The following GNL3L variants were observed in gnomAD, a reference collection of about 807,000 sequenced individuals.
The protein encoded by GNL3L is guanine nucleotide-binding protein-like 3-like protein.
In GNL3L, 4 loss-of-function variants were observed where a neutral mutation model predicts 42.9. The ratio of observed to expected loss-of-function variants is 0.09; its 90% CI spans 0.05 to 0.21. The LOEUF (loss-of-function observed/expected upper bound fraction) is 0.21, where lower values mean the gene tolerates loss of function less well. Among genes scored for constraint, GNL3L ranks in the 10% least tolerant of loss-of-function variants. The pLI is 1.00. For missense variants in GNL3L, 412 were observed against 481.7 expected (o/e 0.86, Z 1.36); for synonymous variants, 159 against 176.3 (o/e 0.90, Z 0.78).
At chrX:54,613,578 A>G (rs1926188311) in intron 16 of GNL3L, among the ~76,000 whole-genome samples, 1 of 110,761 alleles carries the variant, frequency 9.0e-6, no homozygotes, top group African/African-American at 3.3e-5. Context: ...GTTAGAGGGA[A>G]GGTCTAAGGC....
downstream of GNL3L, among the ~76,000 whole-genome samples, chrX:54,622,273 ATTTTTTTTTTT>A (rs773487259): frequency 5.1e-5 from 3 of 59,016 alleles, no homozygotes; most frequent in Non-Finnish European, 8.4e-5. Flanking sequence ...AGTTGCAGGA[ATTTTTTTTTTT>A]TTTTTTTTTT....
intron 16 of GNL3L, among the ~76,000 whole-genome samples, chrX:54,590,711 T>A (rs1242753693): frequency 8.9e-6 from 1 of 112,106 alleles, no homozygotes; most frequent in Non-Finnish European, 1.9e-5. Flanking sequence ...TGCTTGAGAT[T>A]TTCCCCAGTG....
chrX:54,594,794 GT>G (rs1341016932), intron 16 of GNL3L, among the ~76,000 whole-genome samples: 1 of 109,865 alleles, frequency 9.1e-6, no homozygotes, highest in Non-Finnish European at 1.9e-5. Flanking sequence ...TTGATTTGAG[GT>G]TACCACAAGG....
intron 16 of GNL3L, among the ~76,000 whole-genome samples, chrX:54,591,242 A>G (rs1426877031): frequency 9.0e-6 from 1 of 110,852 alleles, no homozygotes; most frequent in African/African-American, 3.3e-5. Flanking sequence ...TCCCAGCACC[A>G]TTTATTGAAG....
chrX:54,572,583 T>C lies in GNL3L; in HGVS notation c.*45+11936T>C, dbSNP rs1468395412. ...CTCCTCACTTCCCAGTAGGGGCGGC[T>C]GGGCAGAGGCGCCCCTCACCTCCCG... is the stretch of plus-strand genomic sequence containing the variant. On this transcript the variant is annotated intron_variant, in intron 16 of 16. Coordinates refer to the GNL3L transcript ENST00000674498. 1.3e-4 allele frequency among the ~76,000 whole-genome samples: 14 copies of C among 104,494 alleles called. No homozygotes were observed. In the South Asian group the frequency reaches 2.5e-3, roughly 19 times the overall value. 90.7% of individuals were successfully genotyped at this position (104,494 alleles called of 115,157 possible).
chrX:54,626,439 A>G (rs1202075124), downstream of GNL3L, among the ~76,000 whole-genome samples: 1 of 112,104 alleles, frequency 8.9e-6, no homozygotes, highest in Non-Finnish European at 1.9e-5. Flanking sequence ...ACTGATGGAA[A>G]CTTAAGTTGA....
At chrX:54,594,554 T>A (rs5914144) in intron 16 of GNL3L, among the ~76,000 whole-genome samples, 35,837 of 104,682 alleles carry the variant, frequency 0.34, 7,121 homozygotes, top group African/African-American at 0.72. Flanking sequence ...TTTTTTTTTT[T>A]AAAAAAAAAT....
intron 16 of GNL3L, among the ~76,000 whole-genome samples, chrX:54,585,232 G>A (rs1925768300): frequency 8.9e-6 from 1 of 111,867 alleles, no homozygotes; most frequent in African/African-American, 3.2e-5. Context: ...TTCTTCTCTT[G>A]TAGTGTCCTT....
chrX:54,614,399 A>G (rs1263966463), intron 16 of GNL3L, among the ~76,000 whole-genome samples: 1 of 111,000 alleles, frequency 9.0e-6, no homozygotes, highest in African/African-American at 3.3e-5. Context: ...TGGAGTCTGC[A>G]CACCGGATTT....
chrX:54,608,003 TAAAAG>T (rs1926118307), intron 16 of GNL3L, among the ~76,000 whole-genome samples: 1 of 111,991 alleles, frequency 8.9e-6, no homozygotes, highest in African/African-American at 3.2e-5. Flanking sequence ...AAGCAAGTCA[TAAAAG>T]AAAACACAAA....
At chrX:54,588,115 T>C (rs1355309276) in intron 16 of GNL3L, among the ~76,000 whole-genome samples, 1 of 112,377 alleles carries the variant, frequency 8.9e-6, no homozygotes, top group Non-Finnish European at 1.9e-5. Context: ...TTTTGGTAGC[T>C]ATTTTGGGAT....
chrX:54,633,900 T>G, the GNL3L span, among the ~76,000 whole-genome samples: 1 of 113,064 alleles, frequency 8.8e-6, no homozygotes, highest in Non-Finnish European at 1.9e-5. Context: ...TGCAGCTGGA[T>G]AGATAATTCT....
chrX:54,605,188 G>A (rs1926045388), intron 16 of GNL3L, among the ~76,000 whole-genome samples: 1 of 111,705 alleles, frequency 9.0e-6, no homozygotes, highest in Non-Finnish European at 1.9e-5. Context: ...AGGAAACCAT[G>A]AATTTCCATT....
In GNL3L at chrX:54,579,476, A is replaced by G. The variant is rs769337610; in HGVS notation, c.*45+18829A>G. Among the ~76,000 whole-genome samples, 4 of 112,237 alleles carry G rather than the reference A, an allele frequency of 3.6e-5. No individual in the cohort carries two copies. In the South Asian group the frequency reaches 1.5e-3, roughly 41 times the overall value. On this transcript the variant is annotated intron_variant, in intron 16 of 16. Transcript: ENST00000674498. ...GAGTACAGTGGCACAATTGGCCTCCAGGGCTCAAGCCATCCTCCTCCCTCA... is the reference window on the plus strand; with the variant it reads ...GAGTACAGTGGCACAATTGGCCTCCGGGGCTCAAGCCATCCTCCTCCCTCA...
chrX:54,624,790 G>A (rs989116568), downstream of GNL3L, among the ~76,000 whole-genome samples: 2 of 107,458 alleles, frequency 1.9e-5, no homozygotes, highest in Admixed American at 1.9e-4. Context: ...ATGTGTCTCC[G>A]TGTGTCTTTA....
At position 54,607,064 on chromosome X, in the gene GNL3L, CTTTCTTTCTCTTTCTTTCTTCTT is replaced by C. The variant is rs1569542611; in HGVS notation, c.*46-13779_*46-13757del. ...TCTTTCTTTCTTTCTTTCTTTCTTT[CTTTCTTTCTCTTTCTTTCTTCTT>C]TCTTTCTTTCTTTCTTTCTTTCTTT... On this transcript the variant is annotated intron_variant, in intron 16 of 16. Transcript: ENST00000674498. Among the ~76,000 whole-genome samples, 84 of 42,108 alleles carry C rather than the reference CTTTCTTTCTCTTTCTTTCTTCTT, an allele frequency of 2.0e-3. 3 individuals are homozygous for C. The highest frequency in any genetic ancestry group is 1.0e-2 in the African/African-American group (79 of 7,905). 36.6% of individuals were successfully genotyped at this position (42,108 alleles called of 115,157 possible). A position where few individuals can be genotyped will look rare whatever the true frequency, so the allele number is the denominator to read the frequency against.
At chrX:54,614,201 G>A (rs1201297821) in intron 16 of GNL3L, among the ~76,000 whole-genome samples, 1 of 110,757 alleles carries the variant, frequency 9.0e-6, no homozygotes, top group Non-Finnish European at 1.9e-5. Flanking sequence ...TCAGGGAAGT[G>A]AGGGAAGGCC....
chrX:54,632,754 A>G, the GNL3L span, among the ~76,000 whole-genome samples: 2 of 111,158 alleles, frequency 1.8e-5, no homozygotes, highest in African/African-American at 6.5e-5. Context: ...CTTCTGAATT[A>G]TTTTTCTGGC....
intron 16 of GNL3L, among the ~76,000 whole-genome samples, chrX:54,619,547 G>A (rs1926263054): frequency 9.1e-6 from 1 of 110,416 alleles, no homozygotes; most frequent in Non-Finnish European, 1.9e-5. Flanking sequence ...TTAAAGACAA[G>A]GTCTCACTGT....
Sources: allele counts gnomAD v4.1 joint callset (sites outside exome capture counted in the v4.1 genomes callset), GRCh38; gene constraint gnomAD v4.1.1; transcripts MANE v1.5; gene names NCBI Gene and HGNC (gene_info 2026-07-23, HGNC 2026-07-21).